INPP5D: variants seen among roughly 807,000 people sequenced by gnomAD.
INPP5D encodes inositol polyphosphate-5-phosphatase D.
A neutral mutation model predicts 122.9 loss-of-function variants in INPP5D; 33 were observed. The ratio of observed to expected loss-of-function variants is 0.27; its 90% CI spans 0.20 to 0.36. The LOEUF is 0.36. INPP5D is among the 10% of genes least tolerant of loss of function. The pLI is 1.00. For missense variants in INPP5D, 1,053 were observed against 1,412.7 expected (o/e 0.75, Z 4.08); for synonymous variants, 584 against 576.2 (o/e 1.01, Z -0.19).
chr2:233,113,060 G>A (rs1250660030), intron 2 of INPP5D, among the ~76,000 whole-genome samples: 4 of 152,148 alleles, frequency 2.6e-5, no homozygotes, highest in Non-Finnish European at 5.9e-5. Context: ...TGTGTTTGCA[G>A]CTCCTTTCTC....
chr2:233,195,412 G>A lies in INPP5D; in HGVS notation c.2610G>A (p.Thr870=), dbSNP rs200008995. Residue 870 remains threonine (T), a synonymous_variant, in exon 24 of 27, where the codon ACG becomes ACA. Coordinates refer to ENST00000445964, the MANE Select transcript of INPP5D (RefSeq NM_001017915.3). The part of the protein sequence containing the change: ...TREKLYDFVK[T]ERDESSGPKT... ...CTTTCCTTCCAGACTTTGTGAAGACGGAGCGTGATGAATCCAGTGGGCCAA... is the reference window on the plus strand; with the variant it reads ...CTTTCCTTCCAGACTTTGTGAAGACAGAGCGTGATGAATCCAGTGGGCCAA... 2,011 of 1,613,692 alleles carry A rather than the reference G, an allele frequency of 1.2e-3. 1 individual carries two copies. The highest frequency in any genetic ancestry group is 1.6e-3 in the Non-Finnish European group (1,869 of 1,179,848).
intron 2 of INPP5D, among the ~76,000 whole-genome samples, chr2:233,086,338 C>T (rs370486571): frequency 1.8e-4 from 28 of 152,004 alleles, no homozygotes; most frequent in Middle Eastern, 3.4e-3. Context: ...GCCACCATGC[C>T]GGGCTAATTT....
intron 24 of INPP5D, among the ~76,000 whole-genome samples, chr2:233,196,081 G>T (rs189612766): frequency 6.6e-6 from 1 of 152,296 alleles, no homozygotes; most frequent in Non-Finnish European, 1.5e-5. Flanking sequence ...CTGTGATTGT[G>T]TCACTGCACT....
chr2:233,090,208 C>A (rs1691955204), intron 2 of INPP5D, among the ~76,000 whole-genome samples: 1 of 152,232 alleles, frequency 6.6e-6, no homozygotes, highest in Non-Finnish European at 1.5e-5. Context: ...CCCACAAAAC[C>A]TTTGAGGTTA....
At chr2:233,195,263 T>C in intron 23 of INPP5D, 136 bp from the exon 24 acceptor site, 1 of 1,343,006 alleles carries the variant, frequency 7.4e-7, no homozygotes, top group Non-Finnish European at 1.0e-6. Context: ...CCTCAGAATC[T>C]TGCTTAACTC....
intron 17 of INPP5D, among the ~76,000 whole-genome samples, chr2:233,174,560 G>C (rs1694570651): frequency 6.6e-6 from 1 of 152,218 alleles, no homozygotes; most frequent in Non-Finnish European, 1.5e-5. Context: ...TGGGAGCTGA[G>C]GCAGGTAAAT....
At chr2:233,076,257 G>A (rs1296818097) in intron 1 of INPP5D, 1 of 152,302 alleles carries the variant, frequency 6.6e-6, no homozygotes, top group Non-Finnish European at 1.5e-5. Flanking sequence ...GCACAGCAGA[G>A]TTGAGCTATC....
At chr2:233,086,119 C>CTCTTTCTTTCCT (rs1553569181) in intron 2 of INPP5D, among the ~76,000 whole-genome samples, 15 of 93,916 alleles carry the variant, frequency 1.6e-4, no homozygotes, top group African/African-American at 4.4e-4. Context: ...ATAAGATAGC[C>CTCTTTCTTTCCT]TCTTTCTTTC....
chr2:233,182,622 C>A, intron 19 of INPP5D, 123 bp downstream of exon 19: 1 of 1,421,512 alleles, frequency 7.0e-7, no homozygotes, highest in Non-Finnish European at 9.5e-7. Flanking sequence ...GGCAAGTCCA[C>A]AATATCAGTC....
chr2:233,181,199 G>A (rs570178788), intron 18 of INPP5D, among the ~76,000 whole-genome samples: 2 of 151,562 alleles, frequency 1.3e-5, no homozygotes, highest in African/African-American at 2.4e-5. Flanking sequence ...CTTAGTAAGT[G>A]AGCTTTTTTT....
At chr2:233,199,036 G>A (rs1255207545) in intron 25 of INPP5D, among the ~76,000 whole-genome samples, 1 of 151,934 alleles carries the variant, frequency 6.6e-6, no homozygotes, top group Non-Finnish European at 1.5e-5. Context: ...GATCACTTGA[G>A]GTTAAGAGTT....
intron 2 of INPP5D, among the ~76,000 whole-genome samples, chr2:233,120,117 G>T (rs1013675341): frequency 2.6e-5 from 4 of 152,194 alleles, no homozygotes; most frequent in Admixed American, 6.5e-5. Flanking sequence ...AAGGTAGCTG[G>T]CAGCCCCCAG....
At chr2:233,147,185 G>T (rs910667540) in intron 8 of INPP5D, among the ~76,000 whole-genome samples, 1 of 152,234 alleles carries the variant, frequency 6.6e-6, no homozygotes, top group African/African-American at 2.4e-5. Context: ...AGTCATCAGT[G>T]AATGAACCAT....
At chr2:233,123,452 C>CA (rs34144613) in intron 3 of INPP5D, among the ~76,000 whole-genome samples, 52,185 of 117,526 alleles carry the variant, frequency 0.44, 10,894 homozygotes, top group Non-Finnish European at 0.53. Flanking sequence ...GACTCCGTCT[C>CA]AAAAAAAAAA....
At chr2:233,125,427 T>C (rs1693127687) in intron 3 of INPP5D, among the ~76,000 whole-genome samples, 1 of 152,210 alleles carries the variant, frequency 6.6e-6, no homozygotes, top group African/African-American at 2.4e-5. Context: ...AGAGCCAGAC[T>C]CATCCTGCTC....
Position 233,182,460 on chromosome 2 carries a change from T to A in INPP5D, c.2122T>A (p.Phe708Ile). 1 of 1,613,708 alleles carries A rather than the reference T, an allele frequency of 6.2e-7. No homozygotes were observed. Residue 708 changes from phenylalanine to isoleucine, a missense_variant, in exon 19 of 27, where the codon TTT becomes ATT. Transcript: ENST00000445964. ...TSDHSPVFAT[F>I]EAGVTSQFVS... ...TGACCACAGCCCTGTCTTTGCCACATTTGAGGCAGGAGTCACTTCCCAGTT... is the reference window on the plus strand; with the variant it reads ...TGACCACAGCCCTGTCTTTGCCACAATTGAGGCAGGAGTCACTTCCCAGTT...
chr2:233,112,823 C>T (rs1267431361), intron 2 of INPP5D, among the ~76,000 whole-genome samples: 1 of 152,058 alleles, frequency 6.6e-6, no homozygotes, highest in African/African-American at 2.4e-5. Context: ...AGGCCTGGCT[C>T]ATTTTTGTAT....
At chr2:233,130,709 C>T in intron 5 of INPP5D, 61 bp downstream of exon 5, 2 of 1,571,870 alleles carry the variant, frequency 1.3e-6, no homozygotes, top group Non-Finnish European at 1.7e-6. Flanking sequence ...AGAAACAGCT[C>T]ATGAGAGCGA....
intron 2 of INPP5D, among the ~76,000 whole-genome samples, chr2:233,101,265 A>T (rs1482970592): frequency 1.3e-5 from 2 of 152,136 alleles, no homozygotes; most frequent in African/African-American, 4.8e-5. Flanking sequence ...GAGTGGCTGC[A>T]TTCACAACCA....
Sources: allele counts gnomAD v4.1 joint callset (sites outside exome capture counted in the v4.1 genomes callset), GRCh38; gene constraint gnomAD v4.1.1; transcripts MANE v1.5; gene names NCBI Gene and HGNC (gene_info 2026-07-23, HGNC 2026-07-21).